ZNF133: variants seen among roughly 807,000 people sequenced by gnomAD.
The protein encoded by ZNF133 is zinc finger protein 133, also known as zinc finger protein 133 (clone pHZ-13).
A neutral mutation model predicts 54.9 loss-of-function variants in ZNF133; 26 were observed. The ratio of observed to expected loss-of-function variants is 0.47; its 90% CI spans 0.35 to 0.66. ZNF133 has a LOEUF of 0.66. Among genes scored for constraint, ZNF133 ranks in the 30% least tolerant of loss-of-function variants. ZNF133 has a pLI of 0.01. For missense variants in ZNF133, 653 were observed against 820.8 expected (o/e 0.80, Z 2.50); for synonymous variants, 298 against 320.3 (o/e 0.93, Z 0.74).
chr20:18,315,956 C>G lies in ZNF133; in HGVS notation c.1105C>G (p.Leu369Val). The change falls in exon 7 of 7, where the codon CTC becomes GTC. Residue 369 changes from leucine to valine, a missense_variant. By Grantham distance (32) the Leu-to-Val change is conservative. Around this residue, in one of 4 missense-constraint regions of ZNF133, gnomAD observed 292 missense variants for 431.6 expected, o/e 0.68. Coordinates refer to ENST00000425686, the MANE Select transcript of ZNF133 (RefSeq NM_001352452.2). Reference protein sequence around the residue: ...CGLGFSDRSNLISHQRTHSGE... With the variant: ...CGLGFSDRSNVISHQRTHSGE... ...CCTGGGCTTCAGCGACAGGTCAAAC[C>G]TCATCTCCCACCAGAGGACGCACTC... 1.2e-6 allele frequency: 2 copies of G among 1,614,142 alleles called. No individual in the cohort carries two copies. Among genetic ancestry groups the G allele is most frequent in the Non-Finnish European group, 1.7e-6 (2 of 1,180,030 alleles).
chr20:18,303,021 A>G (rs534813518), intron 3 of ZNF133, among the ~76,000 whole-genome samples: 1 of 152,214 alleles, frequency 6.6e-6, no homozygotes, highest in South Asian at 2.1e-4. Context: ...AAATGGAAAG[A>G]CATCACATGT....
chr20:18,297,102 T>C (rs2042373140), intron 1 of ZNF133, among the ~76,000 whole-genome samples: 1 of 152,212 alleles, frequency 6.6e-6, no homozygotes, highest in African/African-American at 2.4e-5. Context: ...TCTTACATTA[T>C]ACTTTTAAAT....
At position 18,315,209 on chromosome 20, in the gene ZNF133, G is replaced by A. The variant is rs2047181040; in HGVS notation, c.358G>A (p.Gly120Arg). Residue 120 changes from glycine to arginine, a missense_variant, in exon 7 of 7, where the codon GGG becomes AGG. Physicochemically the swap from Gly to Arg is moderately radical, Grantham distance 125. Coordinates refer to ENST00000425686, the MANE Select transcript of ZNF133 (RefSeq NM_001352452.2). ...GTGTGCAGAAGGTAACATCCAGCCTGGGGATCCGGGCCCAGGGGACCAGGA... is the reference window on the plus strand; with the variant it reads ...GTGTGCAGAAGGTAACATCCAGCCTAGGGATCCGGGCCCAGGGGACCAGGA... Reference protein sequence around the residue: ...CLCAEGNIQPGDPGPGDQEKQ... With the variant: ...CLCAEGNIQPRDPGPGDQEKQ... 1 of 1,614,016 alleles carries A rather than the reference G, an allele frequency of 6.2e-7. No individual in the cohort carries two copies. Among genetic ancestry groups the A allele is most frequent in the African/African-American group, 1.3e-5 (1 of 75,008 alleles).
intron 1 of ZNF133, among the ~76,000 whole-genome samples, chr20:18,297,103 A>G (rs1462017287): frequency 2.6e-5 from 4 of 152,174 alleles, no homozygotes; most frequent in Non-Finnish European, 5.9e-5. Flanking sequence ...CTTACATTAT[A>G]CTTTTAAATA....
intron 6 of ZNF133, among the ~76,000 whole-genome samples, chr20:18,311,661 T>G (rs2046006838): frequency 6.6e-6 from 1 of 152,226 alleles, no homozygotes. Flanking sequence ...GAGAACACTT[T>G]GTATAGTTTT....
At position 18,298,060 on chromosome 20, in the gene ZNF133, A is replaced by C; in HGVS notation, c.-356A>C. 2 of 1,535,520 alleles carry C rather than the reference A, an allele frequency of 1.3e-6. No individual in the cohort carries two copies. The highest frequency in any genetic ancestry group is 1.7e-6 in the Non-Finnish European group (2 of 1,146,802). On this transcript the variant is annotated splice_region_variant and 5_prime_UTR_variant, in exon 2 of 7. The change abolishes an upstream ATG in the 5' untranslated region. Transcript: ENST00000425686. ...CACAGGGTCCCGGAGAGCCAGGGGAATGGTGAGTGTTTCCTGTCTCCATTA... is the reference window on the plus strand; with the variant it reads ...CACAGGGTCCCGGAGAGCCAGGGGACTGGTGAGTGTTTCCTGTCTCCATTA...
chr20:18,316,411 G>T lies in ZNF133; in HGVS notation c.1560G>T (p.Arg520Ser), dbSNP rs1366091882. The T allele has an allele frequency of 6.2e-7, 1 of 1,614,032 alleles. No individual in the cohort carries two copies. Among genetic ancestry groups the T allele is most frequent in the Non-Finnish European group, 8.5e-7 (1 of 1,179,946 alleles). Residue 520 changes from arginine to serine, a missense_variant, in exon 7 of 7, where the codon AGG becomes AGT. Physicochemically the swap from Arg to Ser is moderately radical, Grantham distance 110. Coordinates refer to ENST00000425686, the MANE Select transcript of ZNF133 (RefSeq NM_001352452.2). ...VAHQRTHSGERPYVCRECGRG... is the reference protein window; with the variant it reads ...VAHQRTHSGESPYVCRECGRG... ...ACCAGAGGACGCACTCAGGGGAGAG[G>T]CCGTATGTGTGCCGAGAGTGCGGGC...
intron 1 of ZNF133, among the ~76,000 whole-genome samples, chr20:18,291,664 C>T (rs2041027093): frequency 6.6e-6 from 1 of 151,884 alleles, no homozygotes; most frequent in African/African-American, 2.4e-5. Context: ...GTGTGCAACT[C>T]ACATCCTGGT....
At chr20:18,311,309 A>G (rs1196078045) in intron 6 of ZNF133, among the ~76,000 whole-genome samples, 2 of 152,170 alleles carry the variant, frequency 1.3e-5, no homozygotes, top group African/African-American at 2.4e-5. Flanking sequence ...ACAGAGTGAG[A>G]TCCTATCTGT....
rs187497884 is a variant in ZNF133, at chr20:18,292,097, C to T, written c.-432+3493C>T. Among the ~76,000 whole-genome samples the T allele has an allele frequency of 1.1e-4, 16 of 152,248 alleles. No individual in the cohort carries two copies. The South Asian group carries it at 1.5e-3, about 14-fold the overall frequency. ...ATCCACACTACGGAAATCTGGACTC[C>T]GACAGTTTCCATGCCCTGCTGTTTC... On this transcript the variant is annotated intron_variant, in intron 1 of 6. Transcript: ENST00000425686.
At chr20:18,294,609 T>A (rs55904625) in intron 1 of ZNF133, among the ~76,000 whole-genome samples, 52,298 of 151,738 alleles carry the variant, frequency 0.34, 9,181 homozygotes, top group Middle Eastern at 0.38. Flanking sequence ...GTCTAAAATT[T>A]GTTACAAAAT....
At chr20:18,291,281 G>A (rs1167624476) in intron 1 of ZNF133, among the ~76,000 whole-genome samples, 1 of 151,976 alleles carries the variant, frequency 6.6e-6, no homozygotes, top group East Asian at 1.9e-4. Flanking sequence ...GTTATGTTTC[G>A]AATATTTTAG....
intron 3 of ZNF133, among the ~76,000 whole-genome samples, chr20:18,298,993 G>C (rs764927528): frequency 6.6e-6 from 1 of 152,014 alleles, no homozygotes; most frequent in Non-Finnish European, 1.5e-5. Context: ...ACAAAAGGGA[G>C]ACTCTAACAG....
intron 6 of ZNF133, among the ~76,000 whole-genome samples, chr20:18,311,795 G>C (rs1369192340): frequency 6.6e-6 from 1 of 152,078 alleles, no homozygotes; most frequent in Non-Finnish European, 1.5e-5. Context: ...GCCATTTCTG[G>C]TATTTACTTT....
intron 1 of ZNF133, among the ~76,000 whole-genome samples, chr20:18,297,319 T>C (rs2042422273): frequency 6.6e-6 from 1 of 152,138 alleles, no homozygotes; most frequent in African/African-American, 2.4e-5. Flanking sequence ...ATTTATCATA[T>C]AATATTGTCT....
chr20:18,290,946 G>A (rs1018995482), intron 1 of ZNF133, among the ~76,000 whole-genome samples: 6 of 152,180 alleles, frequency 3.9e-5, no homozygotes, highest in African/African-American at 1.4e-4. Flanking sequence ...GGCCAACATG[G>A]TGAAACCCCA....
At chr20:18,306,737 A>T in intron 6 of ZNF133, 1 of 1,344,542 alleles carries the variant, frequency 7.4e-7, no homozygotes, top group South Asian at 1.2e-5. Context: ...ACTGTGACCT[A>T]CAGAAAGAAG....
intron 1 of ZNF133, among the ~76,000 whole-genome samples, chr20:18,296,199 T>A (rs1383612188): frequency 3.9e-5 from 6 of 152,210 alleles, no homozygotes. Context: ...TTTACAATTA[T>A]GTATATTAAA....
intron 3 of ZNF133, among the ~76,000 whole-genome samples, chr20:18,303,527 A>T (rs1459696500): frequency 6.6e-6 from 1 of 152,218 alleles, no homozygotes; most frequent in Non-Finnish European, 1.5e-5. Flanking sequence ...GAGGACTTAC[A>T]GTTCCTTATT....
Sources: allele counts gnomAD v4.1 joint callset (sites outside exome capture counted in the v4.1 genomes callset), GRCh38; gene constraint gnomAD v4.1.1; regional missense constraint gnomAD v4.1.1; transcripts MANE v1.5; gene names NCBI Gene and HGNC (gene_info 2026-07-23, HGNC 2026-07-21).